NEGR1: variants seen among roughly 807,000 people sequenced by gnomAD.
The protein encoded by NEGR1 is IgLON family member 4.
In NEGR1, 10 loss-of-function variants were observed where a neutral mutation model predicts 40.9. That is an observed-to-expected ratio of 0.24 (90% CI 0.15 to 0.42). The LOEUF (loss-of-function observed/expected upper bound fraction) is 0.42. Among genes scored for constraint, NEGR1 ranks in the 10% least tolerant of loss-of-function variants. The probability of loss-of-function intolerance (pLI) is 1.00; values close to 1 mark genes in which losing one functional copy is unlikely to be tolerated. For missense variants in NEGR1, 352 were observed against 438.9 expected, an observed-to-expected ratio of 0.80 and a Z score of 1.77; for synonymous variants, 185 against 166.8, an observed-to-expected ratio of 1.11 and a Z score of -0.84.
chr1:71,970,034 G>A (rs1379664083), intron 1 of NEGR1, among the ~76,000 whole-genome samples: 1 of 152,150 alleles, frequency 6.6e-6, no homozygotes, highest in African/African-American at 2.4e-5. Context: ...GTAAGGTTAG[G>A]TGCTACTTAG....
At chr1:71,493,527 AT>A (rs1318885386) in intron 6 of NEGR1, among the ~76,000 whole-genome samples, 1 of 152,022 alleles carries the variant, frequency 6.6e-6, no homozygotes, top group Non-Finnish European at 1.5e-5. Flanking sequence ...GAAGAAAACT[AT>A]TTTCTCTTTT....
intron 2 of NEGR1, among the ~76,000 whole-genome samples, chr1:71,896,514 T>C (rs1245898464): frequency 6.6e-6 from 1 of 152,218 alleles, no homozygotes; most frequent in African/African-American, 2.4e-5. Context: ...CTTTCTTAAG[T>C]GGATCCTTTG....
intron 1 of NEGR1, among the ~76,000 whole-genome samples, chr1:72,218,128 G>A (rs1653885667): frequency 6.6e-6 from 1 of 151,390 alleles, no homozygotes. Context: ...AAATAAAAAG[G>A]GAAATCTGAG....
At chr1:72,207,880 T>C (rs1187961459) in intron 1 of NEGR1, among the ~76,000 whole-genome samples, 1 of 151,810 alleles carries the variant, frequency 6.6e-6, no homozygotes, top group Non-Finnish European at 1.5e-5. Context: ...TAACAATTTA[T>C]AGTACAAAAA....
At chr1:71,443,044 T>G (rs934479538) in intron 6 of NEGR1, among the ~76,000 whole-genome samples, 1 of 152,172 alleles carries the variant, frequency 6.6e-6, no homozygotes, top group Non-Finnish European at 1.5e-5. Flanking sequence ...CTTTGAGTAA[T>G]ATTTGTTCAC....
intron 4 of NEGR1, among the ~76,000 whole-genome samples, chr1:71,657,936 C>A (rs138262196): frequency 1.3e-5 from 2 of 152,270 alleles, no homozygotes; most frequent in African/African-American, 4.8e-5. Flanking sequence ...GTAACATTAA[C>A]CTAAACAGTT....
intron 1 of NEGR1, among the ~76,000 whole-genome samples, chr1:72,166,475 ACT>A (rs1324009462): frequency 6.6e-6 from 1 of 152,066 alleles, no homozygotes; most frequent in Non-Finnish European, 1.5e-5. Flanking sequence ...AGATGTCTGC[ACT>A]CTCATGTTCA....
intron 2 of NEGR1, among the ~76,000 whole-genome samples, chr1:71,862,564 C>T (rs1557680736): frequency 1.3e-5 from 2 of 152,034 alleles, no homozygotes; most frequent in African/African-American, 2.4e-5. Flanking sequence ...GGTGGCTTTC[C>T]TCTCCATTCT....
At chr1:71,604,311 T>G (rs757629432) in intron 5 of NEGR1, among the ~76,000 whole-genome samples, 20 of 152,282 alleles carry the variant, frequency 1.3e-4, no homozygotes, top group African/African-American at 4.8e-4. Flanking sequence ...ATGTAATGTA[T>G]TCATAATTTT....
chr1:71,814,086 A>T (rs1183282859), intron 2 of NEGR1, among the ~76,000 whole-genome samples: 1 of 152,074 alleles, frequency 6.6e-6, no homozygotes, highest in Non-Finnish European at 1.5e-5. Flanking sequence ...GGCTCTTAAT[A>T]TTTTGAGGAA....
At chr1:71,615,625 T>A (rs1650423537) in intron 4 of NEGR1, among the ~76,000 whole-genome samples, 1 of 152,174 alleles carries the variant, frequency 6.6e-6, no homozygotes, top group African/African-American at 2.4e-5. Context: ...GTAGAATAGG[T>A]GAGAATAATC....
chr1:71,421,520 T>A (rs1247607202), intron 6 of NEGR1: 1 of 152,054 alleles, frequency 6.6e-6, no homozygotes, highest in Middle Eastern at 3.2e-3. Context: ...CACAGTAACT[T>A]CTCTACTTCC....
chr1:71,708,292 A>G (rs1164507763), intron 3 of NEGR1, among the ~76,000 whole-genome samples: 1 of 152,102 alleles, frequency 6.6e-6, no homozygotes, highest in South Asian at 2.1e-4. Flanking sequence ...ATTCCATCAG[A>G]TAAATTTAAT....
chr1:72,176,146 A>G (rs564382072), intron 1 of NEGR1, among the ~76,000 whole-genome samples: 122 of 152,264 alleles, frequency 8.0e-4, no homozygotes, highest in Non-Finnish European at 1.3e-3. Flanking sequence ...TAAGTCAGTC[A>G]TCTTTTTTCC....
intron 2 of NEGR1, among the ~76,000 whole-genome samples, chr1:71,883,183 AT>A (rs1339917078): frequency 6.6e-6 from 1 of 152,114 alleles, no homozygotes. Flanking sequence ...CTATTATAAG[AT>A]TTATTCATTA....
At chr1:71,847,724 C>A (rs934081557) in intron 2 of NEGR1, among the ~76,000 whole-genome samples, 1 of 152,116 alleles carries the variant, frequency 6.6e-6, no homozygotes, top group Non-Finnish European at 1.5e-5. Flanking sequence ...CCACTTAATA[C>A]CCTACAATGA....
chr1:71,545,121 C>A (rs1647846980), intron 6 of NEGR1, among the ~76,000 whole-genome samples: 1 of 151,482 alleles, frequency 6.6e-6, no homozygotes, highest in Non-Finnish European at 1.5e-5. Flanking sequence ...CCAAAAACAA[C>A]AACAAAAAAA....
chr1:72,126,088 A>AGTGTGTGTGTGTGTGTGTGT (rs72096511), intron 1 of NEGR1, among the ~76,000 whole-genome samples: 5 of 129,324 alleles, frequency 3.9e-5, no homozygotes, highest in South Asian at 2.6e-4. Flanking sequence ...ATTAGAGAAA[A>AGTGTGTGTGTGTGTGTGTGT]GTATGTGTGT....
At chr1:71,651,101 AAAAC>A (rs1387664151) in intron 4 of NEGR1, among the ~76,000 whole-genome samples, 6 of 152,202 alleles carry the variant, frequency 3.9e-5, no homozygotes, top group African/African-American at 1.4e-4. Context: ...AACTCAAAGA[AAAAC>A]TAAGACAAAT....
Sources: gnomAD v4.1 joint callset for allele counts (sites outside exome capture counted in the v4.1 genomes callset) on GRCh38, gnomAD v4.1.1 for gene constraint, MANE v1.5 for transcripts, NCBI Gene and HGNC (gene_info 2026-07-23, HGNC 2026-07-21) for gene names.